Variants in ALOX5 observed in about 807,000 individuals in gnomAD.
ALOX5 encodes polyunsaturated fatty acid 5-lipoxygenase.
Under a neutral mutation model 87.9 loss-of-function variants are expected in ALOX5, and 64 were observed. The ratio of observed to expected loss-of-function variants is 0.73; its 90% CI spans 0.60 to 0.90. The LOEUF is 0.90. Ranked by LOEUF, ALOX5 falls within the 40% of genes least tolerant of loss-of-function variation. The pLI, the probability that ALOX5 is intolerant of heterozygous loss-of-function variation, is 0.00. For synonymous variants in ALOX5, 388 were observed against 355.1 expected, an observed-to-expected ratio of 1.09 and a Z score of -1.04; for missense variants, 822 against 907.5, an observed-to-expected ratio of 0.91 and a Z score of 1.21.
chr10:45,438,050 A>C (rs1842113115), intron 7 of ALOX5, among the ~76,000 whole-genome samples: 1 of 152,234 alleles, frequency 6.6e-6, no homozygotes, highest in African/African-American at 2.4e-5. Flanking sequence ...TATCAAGTCT[A>C]GGAGTCTTTT....
chr10:45,400,591 T>C (rs988252564), intron 3 of ALOX5, among the ~76,000 whole-genome samples: 1 of 151,838 alleles, frequency 6.6e-6, no homozygotes, highest in African/African-American at 2.4e-5. Context: ...AGAGCAAGAC[T>C]CCATTTCAAA....
chr10:45,408,671 T>G (rs1840963557), intron 3 of ALOX5, among the ~76,000 whole-genome samples: 1 of 152,206 alleles, frequency 6.6e-6, no homozygotes, highest in African/African-American at 2.4e-5. Context: ...TGAGGCACGT[T>G]TAGCCACCCA....
intron 3 of ALOX5, among the ~76,000 whole-genome samples, chr10:45,402,711 T>A (rs886499236): frequency 6.6e-6 from 1 of 152,122 alleles, no homozygotes; most frequent in Non-Finnish European, 1.5e-5. Flanking sequence ...ATAAGGACAC[T>A]CTGTTCATTG....
rs1265263516 is a variant in ALOX5, at chr10:45,441,504, A to G, written c.1272+74A>G. ...CGCCTTCACTCCCTATCTGAGATCT[A>G]GACACCCTTTCAGGAGGCCTGGAAG... is the stretch of plus-strand genomic sequence containing the variant. On this transcript the variant is annotated intron_variant, in intron 9 of 13. Transcript: ENST00000374391. 6 of 1,459,018 alleles carry G rather than the reference A, an allele frequency of 4.1e-6. No homozygotes were observed. In the Admixed American group the frequency reaches 5.1e-5, roughly 13 times the overall value. The allele number at this position is 1,459,018 out of a possible 1,614,324, so 90.4% of individuals were successfully genotyped here. A position where few individuals can be genotyped will look rare whatever the true frequency, so the allele number is the denominator to read the frequency against.
chr10:45,375,041 A>G (rs1839547516), intron 1 of ALOX5, among the ~76,000 whole-genome samples: 1 of 152,194 alleles, frequency 6.6e-6, no homozygotes, highest in Non-Finnish European at 1.5e-5. Context: ...AGTCTGGTCC[A>G]TGAGTCATGG....
chr10:45,439,816 T>A (rs2132850612), intron 7 of ALOX5, among the ~76,000 whole-genome samples: 1 of 152,166 alleles, frequency 6.6e-6, no homozygotes, highest in African/African-American at 2.4e-5. Flanking sequence ...GGAAGACAGG[T>A]CCAGCCTCTG....
At chr10:45,394,207 C>G (rs1840411924) in intron 2 of ALOX5, among the ~76,000 whole-genome samples, 1 of 152,324 alleles carries the variant, frequency 6.6e-6, no homozygotes, top group Admixed American at 6.5e-5. Context: ...TCAAACTATA[C>G]TACAAGGCTA....
chr10:45,386,155 G>T (rs1840000901), intron 2 of ALOX5, among the ~76,000 whole-genome samples: 1 of 152,126 alleles, frequency 6.6e-6, no homozygotes. Context: ...CAAAAAATTA[G>T]CTGGATGTGG....
At chr10:45,400,698 C>T (rs1840668254) in intron 3 of ALOX5, among the ~76,000 whole-genome samples, 1 of 152,146 alleles carries the variant, frequency 6.6e-6, no homozygotes, top group Non-Finnish European at 1.5e-5. Context: ...TTACGGAAGA[C>T]CCCATATTGT....
chr10:45,416,730 G>C (rs747338668), intron 4 of ALOX5, among the ~76,000 whole-genome samples: 9 of 152,130 alleles, frequency 5.9e-5, no homozygotes, highest in African/African-American at 1.2e-4. Context: ...TGAAGGGAAG[G>C]AGGAAGGATG....
chr10:45,398,618 T>G (rs2132724440), intron 3 of ALOX5, among the ~76,000 whole-genome samples: 1 of 152,250 alleles, frequency 6.6e-6, no homozygotes, highest in East Asian at 1.9e-4. Flanking sequence ...ATAAGGGCCT[T>G]CCATCCATAA....
chr10:45,424,128 G>C lies in ALOX5; in HGVS notation c.642G>C (p.Lys214Asn), dbSNP rs761482218. 1.2e-6 allele frequency: 2 copies of C among 1,613,834 alleles called. No homozygotes were observed. Among genetic ancestry groups the C allele is most frequent in the East Asian group, 4.5e-5 (2 of 44,880 alleles). ...DFADFEKIFVKISNTISERVM... is the reference protein window; with the variant it reads ...DFADFEKIFVNISNTISERVM... ...CCGACTTTGAGAAAATCTTTGTCAA[G>C]ATCAGCAACACTATTTCTGGTGAGT... is the stretch of plus-strand genomic sequence containing the variant. The change falls in exon 5 of 14, where the codon AAG becomes AAC. Residue 214 changes from lysine to asparagine, a missense_variant. Coordinates refer to ENST00000374391, the MANE Select transcript of ALOX5 (RefSeq NM_000698.5).
intron 3 of ALOX5, 108 bp from the exon 4 acceptor site, chr10:45,412,083 C>A: frequency 1.3e-6 from 2 of 1,488,920 alleles, no homozygotes; most frequent in South Asian, 1.3e-5. Context: ...ATTTTGAGTA[C>A]ATCAATCTCC....
chr10:45,436,659 T>C (rs972703503), intron 7 of ALOX5, among the ~76,000 whole-genome samples: 3 of 152,212 alleles, frequency 2.0e-5, no homozygotes, highest in Admixed American at 6.5e-5. Context: ...ACTGTAGTCT[T>C]GTAGTATAGT....
In ALOX5 at chr10:45,374,399, G is replaced by A. The variant is rs1839502093; in HGVS notation, c.120G>A (p.Lys40=). 1 of 1,566,048 alleles carries A rather than the reference G, an allele frequency of 6.4e-7. No individual in the cohort carries two copies. The highest frequency in any genetic ancestry group is 8.6e-7 in the Non-Finnish European group (1 of 1,160,378). The change falls in exon 1 of 14, where the codon AAG becomes AAA. Residue 40 remains lysine (K), a synonymous_variant. Coordinates refer to ENST00000374391, the MANE Select transcript of ALOX5 (RefSeq NM_000698.5). ...GCAGCGAGAAGCACCTGCTGGACAAGCCCTTCTACAACGACTTCGAGCGTG... is the reference window on the plus strand; with the variant it reads ...GCAGCGAGAAGCACCTGCTGGACAAACCCTTCTACAACGACTTCGAGCGTG... ...AGCSEKHLLD[K]PFYNDFERGA... is the part of the protein sequence containing the mutation.
chr10:45,385,974 G>A (rs1275007629), intron 2 of ALOX5, among the ~76,000 whole-genome samples: 7 of 152,076 alleles, frequency 4.6e-5, no homozygotes, highest in South Asian at 2.1e-4. Flanking sequence ...TGGCTAAGGC[G>A]GGAGGATTGT....
In ALOX5 at chr10:45,430,141, A is replaced by G. The variant is rs74130826; in HGVS notation, c.981+1377A>G. Reference sequence around the variant, plus strand: ...GAGATCCCCGGAGATCCCAGGCACCACTGATGGTGCCTTCAAAAGCTTGGC... The same window carrying G: ...GAGATCCCCGGAGATCCCAGGCACCGCTGATGGTGCCTTCAAAAGCTTGGC... On this transcript the variant is annotated intron_variant, in intron 7 of 13. Coordinates refer to ENST00000374391, the MANE Select transcript of ALOX5 (RefSeq NM_000698.5). 3.5e-3 allele frequency among the ~76,000 whole-genome samples: 538 copies of G among 152,316 alleles called. 3 individuals carry two copies. The highest frequency in any genetic ancestry group is 0.012 in the African/African-American group (516 of 41,572).
Position 45,374,358 on chromosome 10 carries a change from G to C in ALOX5, c.79G>C (p.Val27Leu), listed in dbSNP as rs767933146. 39 of 1,548,010 alleles carry C rather than the reference G, an allele frequency of 2.5e-5. No individual in the cohort carries two copies. The highest frequency in any genetic ancestry group is 1.7e-4 in the Middle Eastern group (1 of 5,950). The part of the protein sequence containing the change: ...GTDDYIYLSL[V>L]GSAGCSEKHL... Reference sequence around the variant, plus strand: ...TGACGACTACATCTACCTCAGCCTCGTGGGCTCGGCGGGCTGCAGCGAGAA... The same window carrying C: ...TGACGACTACATCTACCTCAGCCTCCTGGGCTCGGCGGGCTGCAGCGAGAA... The change falls in exon 1 of 14, where the codon GTG becomes CTG. Residue 27 changes from valine to leucine, a missense_variant. Coordinates refer to ENST00000374391, the MANE Select transcript of ALOX5 (RefSeq NM_000698.5).
At position 45,418,684 on chromosome 10, in the gene ALOX5, G is replaced by T. The variant is rs537474486; in HGVS notation, c.555-5357G>T. Among the ~76,000 whole-genome samples the T allele has an allele frequency of 3.0e-4, 45 of 152,300 alleles. 1 individual carries two copies. The South Asian group carries it at 9.3e-3, about 32-fold the overall frequency. ...GTGGGGCCTGGAGAATGGCACAGGG[G>T]GCTGCAGCGGAGAGAGACTGTGGGC... On this transcript the variant is annotated intron_variant, in intron 4 of 13. Coordinates refer to ENST00000374391, the MANE Select transcript of ALOX5 (RefSeq NM_000698.5).
Sources: gnomAD v4.1 joint callset for allele counts (sites outside exome capture counted in the v4.1 genomes callset) on GRCh38, gnomAD v4.1.1 for gene constraint, MANE v1.5 for transcripts, NCBI Gene and HGNC (gene_info 2026-07-23, HGNC 2026-07-21) for gene names.